HEATR5B: variants seen among roughly 807,000 people sequenced by gnomAD.
HEATR5B encodes HEAT repeat-containing protein 5B.
Under a neutral mutation model 224.1 loss-of-function variants are expected in HEATR5B, and 156 were observed. The observed-to-expected ratio is 0.70, with a 90% CI of 0.61 to 0.80. HEATR5B has a LOEUF of 0.80. Among genes scored for constraint, HEATR5B ranks in the 30% least tolerant of loss-of-function variants. HEATR5B has a pLI of 0.00. For synonymous variants in HEATR5B, 1,027 were observed against 893.0 expected, an observed-to-expected ratio of 1.15 and a Z score of -2.68; for missense variants, 2,323 against 2,535.5, an observed-to-expected ratio of 0.92 and a Z score of 1.80.
intron 10 of HEATR5B, among the ~76,000 whole-genome samples, chr2:37,063,737 A>C (rs575639189): frequency 9.2e-5 from 14 of 152,336 alleles, no homozygotes; most frequent in African/African-American, 3.4e-4. Flanking sequence ...ATAAACACTT[A>C]AGATTACTGA....
At chr2:37,060,957 A>C (rs568519180) in intron 11 of HEATR5B, among the ~76,000 whole-genome samples, 90 of 152,334 alleles carry the variant, frequency 5.9e-4, no homozygotes, top group African/African-American at 2.0e-3. Flanking sequence ...AAGCATAACA[A>C]AATTCACCTT....
In HEATR5B at chr2:37,013,775, T is replaced by C. The variant is rs914162620; in HGVS notation, c.4284+66A>G. ...ACAAAAATTTTTTTACCAACAAGAG[T>C]AGAGGAACATTTTCTCATGGATGAA... On this transcript the variant is annotated intron_variant, in intron 27 of 35. Coordinates refer to ENST00000233099, the MANE Select transcript of HEATR5B (RefSeq NM_019024.3). The C allele has an allele frequency of 2.0e-5, 27 of 1,381,208 alleles. No homozygotes were observed. The African/African-American group carries it at 2.9e-4, about 15-fold the overall frequency. The allele number at this position is 1,381,208 out of a possible 1,614,324, so 85.6% of individuals were successfully genotyped here.
chr2:37,023,334 T>G (rs1317548952), intron 24 of HEATR5B, among the ~76,000 whole-genome samples: 1 of 152,186 alleles, frequency 6.6e-6, no homozygotes, highest in Non-Finnish European at 1.5e-5. Flanking sequence ...CAGTGACATA[T>G]CTATGGTTCA....
chr2:37,000,959 CTAT>C (rs1420576742), intron 32 of HEATR5B, 146 bp from the exon 33 acceptor site: 3 of 584,780 alleles, frequency 5.1e-6, no homozygotes, highest in East Asian at 2.8e-5. Context: ...ATTACTACTA[CTAT>C]AATTCAATGT....
intron 22 of HEATR5B, among the ~76,000 whole-genome samples, chr2:37,029,698 TG>T (rs1437178338): frequency 6.6e-6 from 1 of 151,090 alleles, no homozygotes; most frequent in East Asian, 1.9e-4. Flanking sequence ...CCCAGCACAT[TG>T]GGGGGCTGAG....
chr2:37,002,713 T>C (rs1356357914), intron 31 of HEATR5B, 141 bp from the exon 32 acceptor site: 8 of 821,134 alleles, frequency 9.7e-6, no homozygotes, highest in Admixed American at 2.8e-5. Flanking sequence ...TATAATTCTC[T>C]GCCTCCCTAG....
chr2:37,053,359 T>G, intron 17 of HEATR5B, 143 bp downstream of exon 17: 1 of 423,038 alleles, frequency 2.4e-6, no homozygotes, highest in South Asian at 9.8e-5. Flanking sequence ...ACATAAAGTT[T>G]CAAGTAATTT....
At chr2:37,060,483 A>T (rs1200928410) in intron 12 of HEATR5B, 98 bp downstream of exon 12, 22 of 946,656 alleles carry the variant, frequency 2.3e-5, no homozygotes, top group Non-Finnish European at 3.3e-5. Context: ...ATCATTACCT[A>T]GTAAAATAAA....
chr2:37,075,210 A>G lies in HEATR5B; in HGVS notation c.597+275T>C, dbSNP rs146310688. Among the ~76,000 whole-genome samples the G allele has an allele frequency of 6.6e-5, 10 of 152,338 alleles. No individual in the cohort carries two copies. The East Asian group carries it at 1.7e-3, about 26-fold the overall frequency. ...ACAAATCAATGTGACATATCCATAC[A>G]ATGAAATACTACTCAGCAATAAAAA... On this transcript the variant is annotated intron_variant, in intron 5 of 35. Coordinates refer to ENST00000233099, the MANE Select transcript of HEATR5B (RefSeq NM_019024.3).
At chr2:37,053,467 C>T (rs1558349008) in intron 17 of HEATR5B, 35 bp downstream of exon 17, 1 of 1,217,636 alleles carries the variant, frequency 8.2e-7, no homozygotes, top group South Asian at 1.4e-5. Context: ...TAATTAAAAA[C>T]TTATTTCAGA....
chr2:37,038,287 G>A (rs1048173394), intron 20 of HEATR5B, among the ~76,000 whole-genome samples: 5 of 151,900 alleles, frequency 3.3e-5, no homozygotes, highest in African/African-American at 1.2e-4. Context: ...TTACAAGCAC[G>A]CGCCACCACG....
At chr2:37,057,545 C>G (rs899241478) in intron 14 of HEATR5B, 65 bp from the exon 15 acceptor site, 17 of 1,071,340 alleles carry the variant, frequency 1.6e-5, no homozygotes, top group East Asian at 8.0e-5. Flanking sequence ...AATCATTGCC[C>G]ACAAAGAGCT....
intron 2 of HEATR5B, among the ~76,000 whole-genome samples, chr2:37,082,086 T>TC (rs1553329859): frequency 0.36 from 19,942 of 55,256 alleles, 6,522 homozygotes; most frequent in East Asian, 0.65. Context: ...TTTTTTTTTT[T>TC]CAGATGGAGT....
intron 2 of HEATR5B, 39 bp from the exon 3 acceptor site, chr2:37,079,370 A>AT (rs576476716): frequency 1.0e-5 from 12 of 1,196,746 alleles, no homozygotes; most frequent in South Asian, 4.3e-5. Flanking sequence ...ATCATTAAAA[A>AT]TTTTTTTTGT....
In HEATR5B at chr2:36,981,714, C is replaced by T. The variant is rs779482104; in HGVS notation, c.5992G>A (p.Ala1998Thr). 10 of 1,613,874 alleles carry T rather than the reference C, an allele frequency of 6.2e-6. No individual in the cohort carries two copies. In the Admixed American group the frequency reaches 1.3e-4, roughly 22 times the overall value. ...GCAAACTCATGAAGATCTTTGGAAG[C>T]TGAACTTGCTGAGGCAAAAGAATTT... ...DENSFASASS[A>T]SKDLHEFALQ... The change falls in exon 36 of 36, where the codon GCT becomes ACT. Residue 1998 changes from alanine to threonine, a missense_variant. Ala to Thr is a moderately conservative substitution (Grantham distance 58). This residue lies in a region of HEATR5B where 844 missense variants were observed against 812.9 expected (regional missense o/e 1.04). Transcript: ENST00000233099.
In HEATR5B at chr2:37,007,722, C is replaced by A. The variant is rs185203021; in HGVS notation, c.4523-418G>T. Among the ~76,000 whole-genome samples the A allele has an allele frequency of 1.2e-3, 188 of 152,284 alleles. 1 individual carries two copies. Among genetic ancestry groups the A allele is most frequent in the Non-Finnish European group, 2.3e-3 (156 of 68,030 alleles). ...ACAAAAGAGAAATCTAGCCAAAGGG[C>A]TTCTCCTCTTTATAAAGCCACCAAA... is the stretch of plus-strand genomic sequence containing the variant. On this transcript the variant is annotated intron_variant, in intron 28 of 35. Transcript: ENST00000233099.
At chr2:37,047,960 A>C (rs1670304842) in intron 18 of HEATR5B, among the ~76,000 whole-genome samples, 2 of 152,332 alleles carry the variant, frequency 1.3e-5, no homozygotes, top group East Asian at 1.9e-4. Context: ...ATGACATTTC[A>C]TACAGAATTT....
intron 35 of HEATR5B, among the ~76,000 whole-genome samples, chr2:36,983,516 G>A (rs1182819409): frequency 6.6e-6 from 1 of 152,032 alleles, no homozygotes; most frequent in Non-Finnish European, 1.5e-5. Flanking sequence ...TCCAGCCTGG[G>A]CAACAAGAGC....
Position 37,077,029 on chromosome 2 carries a change from G to A in HEATR5B, c.339-10C>T. 3 of 1,593,582 alleles carry A rather than the reference G, an allele frequency of 1.9e-6. No individual in the cohort carries two copies. The highest frequency in any genetic ancestry group is 2.6e-6 in the Non-Finnish European group (3 of 1,162,082). On this transcript the variant is annotated splice_polypyrimidine_tract_variant and intron_variant, in intron 3 of 35. Coordinates refer to ENST00000233099, the MANE Select transcript of HEATR5B (RefSeq NM_019024.3). ...ACAAGCCACCGCAGCCCTGTAAGAA[G>A]TGACAACTTCACTAGTCATTGTCCA...
Sources: allele counts gnomAD v4.1 joint callset (sites outside exome capture counted in the v4.1 genomes callset), GRCh38; gene constraint gnomAD v4.1.1; regional missense constraint gnomAD v4.1.1; transcripts MANE v1.5; gene names NCBI Gene and HGNC (gene_info 2026-07-23, HGNC 2026-07-21).